NRG1: variants seen among roughly 807,000 people sequenced by gnomAD.
NRG1 encodes the protein pro-neuregulin-1, membrane-bound isoform.
Under a neutral mutation model 63.8 loss-of-function variants are expected in NRG1, and 18 were observed. The ratio of observed to expected loss-of-function variants is 0.28; its 90% CI spans 0.19 to 0.42. The LOEUF (loss-of-function observed/expected upper bound fraction) is 0.42. Among genes scored for constraint, NRG1 ranks in the 10% least tolerant of loss-of-function variants. NRG1 has a pLI of 1.00. For synonymous variants in NRG1, 302 were observed against 301.3 expected (o/e 1.00, Z -0.02); for missense variants, 762 against 814.7 (o/e 0.94, Z 0.79).
intron 1 of NRG1, among the ~76,000 whole-genome samples, chr8:31,659,508 T>G (rs757982474): frequency 1.3e-5 from 2 of 152,094 alleles, no homozygotes; most frequent in Non-Finnish European, 2.9e-5. Context: ...ACCTCCTTTC[T>G]GAACCTCATG....
chr8:32,316,615 T>C (rs1249693207), intron 1 of NRG1, among the ~76,000 whole-genome samples: 2 of 152,094 alleles, frequency 1.3e-5, no homozygotes, highest in African/African-American at 2.4e-5. Flanking sequence ...CTCCTTTTCA[T>C]ACAGGTTATT....
chr8:32,380,228 T>TA (rs1810172303), intron 1 of NRG1, among the ~76,000 whole-genome samples: 1 of 152,166 alleles, frequency 6.6e-6, no homozygotes, highest in South Asian at 2.1e-4. Flanking sequence ...TTTTGTCATC[T>TA]ATAACACCAT....
intron 5 of NRG1, among the ~76,000 whole-genome samples, chr8:32,691,347 C>T (rs867863790): frequency 6.6e-6 from 1 of 152,008 alleles, no homozygotes; most frequent in Non-Finnish European, 1.5e-5. Context: ...TGCCAGACTC[C>T]GTCTCAAAAA....
At chr8:32,286,983 C>G (rs78991962) in intron 1 of NRG1, 3 of 152,486 alleles carry the variant, frequency 2.0e-5, no homozygotes, top group African/African-American at 7.2e-5. Context: ...AGCAACAGAG[C>G]GAGACTCCAT....
chr8:31,751,140 A>C (rs1816417698), intron 1 of NRG1, among the ~76,000 whole-genome samples: 1 of 151,978 alleles, frequency 6.6e-6, no homozygotes. Flanking sequence ...GCAGGAGAGG[A>C]GGAAATAATA....
At chr8:32,156,833 G>A (rs959403250) in intron 1 of NRG1, among the ~76,000 whole-genome samples, 1 of 152,136 alleles carries the variant, frequency 6.6e-6, no homozygotes, top group African/African-American at 2.4e-5. Context: ...CTACTCTGGA[G>A]GCTGAGGTGA....
intron 1 of NRG1, among the ~76,000 whole-genome samples, chr8:32,066,920 A>C (rs1824926650): frequency 6.6e-6 from 1 of 151,808 alleles, no homozygotes; most frequent in African/African-American, 2.4e-5. Flanking sequence ...TGTAAGTTGG[A>C]TTCCTAGGTA....
At chr8:32,310,637 C>T (rs911948738) in intron 1 of NRG1, among the ~76,000 whole-genome samples, 3 of 152,110 alleles carry the variant, frequency 2.0e-5, no homozygotes, top group Non-Finnish European at 1.5e-5. Context: ...CAGGAGAAGT[C>T]TAAGAATTAG....
At chr8:32,194,310 TA>T (rs1282445672) in intron 1 of NRG1, among the ~76,000 whole-genome samples, 1 of 152,228 alleles carries the variant, frequency 6.6e-6, no homozygotes, top group African/African-American at 2.4e-5. Flanking sequence ...GAACCGCGGA[TA>T]AAATGCATGC....
rs371097367 is a variant in NRG1 at position 32,397,953 on chromosome 8, ATT to A, written c.38-197874_38-197873del. On this transcript the variant is annotated intron_variant, in intron 1 of 10. Coordinates refer to the NRG1 transcript ENST00000519301. ...CATGTACCTTCCAAACTGCACACTT[ATT>A]GTGTTTTCACTTTCTTATCATTGTC... Among the ~76,000 whole-genome samples, 576 of 152,286 alleles carry A rather than the reference ATT, an allele frequency of 3.8e-3. 5 individuals carry two copies. The highest frequency in any genetic ancestry group is 0.013 in the African/African-American group (539 of 41,570).
At chr8:31,903,491 T>C (rs899049593) in intron 1 of NRG1, among the ~76,000 whole-genome samples, 2 of 151,834 alleles carry the variant, frequency 1.3e-5, no homozygotes, top group Admixed American at 6.6e-5. Flanking sequence ...CTAAACATCA[T>C]GGCAAAGAGT....
chr8:32,714,124 C>T (rs940775420), intron 5 of NRG1, among the ~76,000 whole-genome samples: 8 of 152,102 alleles, frequency 5.3e-5, no homozygotes, highest in South Asian at 2.1e-4. Context: ...TCCACCCAAC[C>T]GAAAAGAAAT....
chr8:32,281,828 A>G (rs934850887), intron 1 of NRG1, among the ~76,000 whole-genome samples: 1 of 152,160 alleles, frequency 6.6e-6, no homozygotes, highest in African/African-American at 2.4e-5. Context: ...CTTTTAAAAA[A>G]TATTTCAGAT....
chr8:32,000,439 T>C (rs893761666), intron 1 of NRG1, among the ~76,000 whole-genome samples: 1 of 151,798 alleles, frequency 6.6e-6, no homozygotes, highest in African/African-American at 2.4e-5. Context: ...GCTAATATTT[T>C]ATATATTTTT....
intron 5 of NRG1, chr8:32,648,195 G>A: frequency 1.2e-6 from 2 of 1,614,060 alleles, no homozygotes; most frequent in Non-Finnish European, 1.7e-6. Flanking sequence ...AGTGCAAGGT[G>A]ACAAGGCTGT....
chr8:32,029,359 G>A (rs1402981851), intron 1 of NRG1: 1 of 152,074 alleles, frequency 6.6e-6, no homozygotes, highest in African/African-American at 2.4e-5. Context: ...ATCTCAATTG[G>A]CTTTTACTTG....
chr8:32,135,739 A>G (rs909501363), intron 1 of NRG1, among the ~76,000 whole-genome samples: 11 of 152,088 alleles, frequency 7.2e-5, no homozygotes, highest in African/African-American at 2.7e-4. Flanking sequence ...GGGAGAAATT[A>G]GGACATGGAT....
downstream of NRG1, among the ~76,000 whole-genome samples, chr8:32,768,421 A>G (rs1044185868): frequency 1.5e-4 from 23 of 152,184 alleles, no homozygotes; most frequent in African/African-American, 5.5e-4. Context: ...GCCAGTTGAC[A>G]CCTGGCCATG....
At chr8:32,029,050 T>C (rs2130431875) in intron 1 of NRG1, among the ~76,000 whole-genome samples, 1 of 152,334 alleles carries the variant, frequency 6.6e-6, no homozygotes, top group Middle Eastern at 3.4e-3. Flanking sequence ...TGTTAAAACC[T>C]TCCCCTTCAT....
Sources: allele counts gnomAD v4.1 joint callset (sites outside exome capture counted in the v4.1 genomes callset), GRCh38; gene constraint gnomAD v4.1.1; transcripts MANE v1.5; gene names NCBI Gene and HGNC (gene_info 2026-07-23, HGNC 2026-07-21).